Variants in DAOA observed in about 807,000 individuals in gnomAD.
The protein encoded by DAOA is D-amino acid oxidase regulator.
DAOA carries 15 observed loss-of-function variants against 16.4 expected under a neutral mutation model. The observed-to-expected ratio is 0.91, with a 90% confidence interval of 0.61 to 1.41. DAOA has a LOEUF of 1.41. Among genes scored for constraint, DAOA ranks in the 40% most tolerant of loss-of-function variants. The probability of loss-of-function intolerance (pLI) is 0.00; values close to 1 mark genes in which losing one functional copy is unlikely to be tolerated. For synonymous variants in DAOA, 75 were observed against 59.1 expected (o/e 1.27, Z -1.23); for missense variants, 230 against 176.8 (o/e 1.30, Z -1.71).
chr13:105,474,902 TTGA>T (rs1750007941), intron 4 of DAOA: 6 of 550,668 alleles, frequency 1.1e-5, no homozygotes, highest in Non-Finnish European at 1.4e-5. Context: ...AAAGACAAAC[TTGA>T]TGATAAATCT....
chr13:105,482,978 A>C (rs9301033), intron 4 of DAOA, among the ~76,000 whole-genome samples: 4,658 of 152,176 alleles, frequency 0.031, 248 homozygotes, highest in African/African-American at 0.11. Flanking sequence ...TGTTTACCAC[A>C]AACCTATTAT....
intron 4 of DAOA, among the ~76,000 whole-genome samples, chr13:105,487,428 G>A (rs1178165105): frequency 6.6e-6 from 1 of 152,112 alleles, no homozygotes; most frequent in Non-Finnish European, 1.5e-5. Context: ...TCTGTGCTCT[G>A]TAAGAAACAG....
intron 4 of DAOA, among the ~76,000 whole-genome samples, chr13:105,481,605 G>A (rs114853919): frequency 0.012 from 1,845 of 152,200 alleles, 41 homozygotes; most frequent in African/African-American, 0.041. Context: ...CCCACCCTTA[G>A]GATCCAGCAT....
chr13:105,477,118 C>T (rs1304107809), intron 4 of DAOA: 6 of 152,162 alleles, frequency 3.9e-5, no homozygotes, highest in African/African-American at 1.4e-4. Flanking sequence ...CAATCAGGCT[C>T]ATTTTGTATA....
At chr13:105,481,662 C>T (rs1183211257) in intron 4 of DAOA, among the ~76,000 whole-genome samples, 1 of 152,166 alleles carries the variant, frequency 6.6e-6, no homozygotes, top group Non-Finnish European at 1.5e-5. Context: ...ACTCATTCCT[C>T]TATCAAACCT....
intron 4 of DAOA, among the ~76,000 whole-genome samples, chr13:105,487,333 A>T (rs932272024): frequency 1.3e-5 from 2 of 152,156 alleles, no homozygotes; most frequent in Non-Finnish European, 2.9e-5. Context: ...TTTTTAAAAA[A>T]GTGATCTAAA....
At chr13:105,487,180 C>T (rs373596586) in intron 4 of DAOA, among the ~76,000 whole-genome samples, 3 of 152,148 alleles carry the variant, frequency 2.0e-5, no homozygotes, top group South Asian at 4.1e-4. Flanking sequence ...CGGAGTCTCA[C>T]ATATATGCAA....
intron 2 of DAOA, 105 bp downstream of exon 2, chr13:105,466,437 G>T (rs893820775): frequency 1.2e-5 from 19 of 1,571,614 alleles, no homozygotes; most frequent in African/African-American, 2.7e-5. Context: ...ACAGGAAGTG[G>T]AACATGTCAG....
intron 4 of DAOA, among the ~76,000 whole-genome samples, chr13:105,485,340 TC>T (rs1239684165): frequency 3.3e-5 from 5 of 152,276 alleles, no homozygotes; most frequent in African/African-American, 1.2e-4. Context: ...ACTTACTTGA[TC>T]CGTTGGATTT....
chr13:105,473,955 A>C (rs1023197224), intron 4 of DAOA, among the ~76,000 whole-genome samples: 2 of 152,144 alleles, frequency 1.3e-5, no homozygotes, highest in African/African-American at 4.8e-5. Flanking sequence ...GAATTAGGCA[A>C]GAACATATTG....
At chr13:105,479,397 T>C (rs1038774990) in intron 4 of DAOA, among the ~76,000 whole-genome samples, 3 of 152,232 alleles carry the variant, frequency 2.0e-5, no homozygotes, top group Non-Finnish European at 4.4e-5. Context: ...TAATACACTA[T>C]TGCAAACTGA....
chr13:105,477,018 CA>C (rs1317968333), intron 4 of DAOA: 1 of 152,212 alleles, frequency 6.6e-6, no homozygotes, highest in Non-Finnish European at 1.5e-5. Flanking sequence ...TTAGTAGCCA[CA>C]AGCTAGTGGA....
intron 4 of DAOA, among the ~76,000 whole-genome samples, chr13:105,479,889 C>T (rs1408958427): frequency 6.6e-6 from 1 of 152,134 alleles, no homozygotes; most frequent in Non-Finnish European, 1.5e-5. Context: ...ATCAGAGTCT[C>T]TGCCATTTAA....
chr13:105,471,115 G>A (rs975252588), intron 3 of DAOA, among the ~76,000 whole-genome samples: 1 of 152,000 alleles, frequency 6.6e-6, no homozygotes, highest in Non-Finnish European at 1.5e-5. Context: ...AGTAGAGACA[G>A]GGTTTCACCA....
chr13:105,486,313 G>T (rs995096460), intron 4 of DAOA, among the ~76,000 whole-genome samples: 4 of 151,878 alleles, frequency 2.6e-5, no homozygotes, highest in Middle Eastern at 3.4e-3. Context: ...CCTACACCCT[G>T]CCCCTCTCCT....
At position 105,489,839 on chromosome 13, in the gene DAOA, G is replaced by C. The variant is rs752445448; in HGVS notation, c.282-62G>C. On this transcript the variant is annotated intron_variant, in intron 4 of 5. Transcript: ENST00000375936. ...GAACATGGGAAAGGTGATGACACTTGACTCCGGTGATGAGGTTACCTTTCA... is the reference window on the plus strand; with the variant it reads ...GAACATGGGAAAGGTGATGACACTTCACTCCGGTGATGAGGTTACCTTTCA... 11 of 1,613,526 alleles carry C rather than the reference G, an allele frequency of 6.8e-6. No homozygotes were observed. In the South Asian group the frequency reaches 1.1e-4, roughly 16 times the overall value.
In DAOA at chr13:105,472,599, T is replaced by C; in HGVS notation, c.195T>C (p.His65=). The C allele has an allele frequency of 3.1e-6, 5 of 1,614,098 alleles. No homozygotes were observed. Among genetic ancestry groups the C allele is most frequent in the Non-Finnish European group, 4.2e-6 (5 of 1,179,970 alleles). ...GGAAAGAAGGATGGAAGAGAAGGCATGAGGACGGCTATTTGGAAATGGCAC... is the reference window on the plus strand; with the variant it reads ...GGAAAGAAGGATGGAAGAGAAGGCACGAGGACGGCTATTTGGAAATGGCAC... ...VTRKEGWKRR[H]EDGYLEMAQR... is the part of the protein sequence containing the mutation. The change falls in exon 4 of 6, where the codon CAT becomes CAC. Residue 65 remains histidine (H), a synonymous_variant. Coordinates refer to ENST00000375936, the MANE Select transcript of DAOA (RefSeq NM_172370.5).
chr13:105,483,079 G>A (rs1877863800), intron 4 of DAOA, among the ~76,000 whole-genome samples: 1 of 151,842 alleles, frequency 6.6e-6, no homozygotes, highest in African/African-American at 2.4e-5. Context: ...TCTCAAATAA[G>A]TAATTTTTTT....
At position 105,482,603 on chromosome 13, in the gene DAOA, A is replaced by C. The variant is rs144544039; in HGVS notation, c.282-7298A>C. Among the ~76,000 whole-genome samples the C allele has an allele frequency of 2.8e-3, 413 of 149,870 alleles. 1 individual carries two copies. The highest frequency in any genetic ancestry group is 9.5e-3 in the African/African-American group (387 of 40,678). The stretch of plus-strand genomic sequence containing the variant: ...CGGCTCACTGCAACCTCCGCCTCCC[A>C]GGTACAAGCAATTCTCCTGCCTCAG... On this transcript the variant is annotated intron_variant, in intron 4 of 5. Transcript: ENST00000375936.
Sources: gnomAD v4.1 joint callset for allele counts (sites outside exome capture counted in the v4.1 genomes callset) on GRCh38, gnomAD v4.1.1 for gene constraint, MANE v1.5 for transcripts, NCBI Gene and HGNC (gene_info 2026-07-23, HGNC 2026-07-21) for gene names.